The following DLGAP3 variants were observed in gnomAD, a reference collection of about 807,000 sequenced individuals.
DLGAP3 encodes DLG associated protein 3.
DLGAP3 carries 17 observed loss-of-function variants against 81.2 expected under a neutral mutation model. The observed-to-expected ratio is 0.21, with a 90% CI of 0.14 to 0.31. The LOEUF (loss-of-function observed/expected upper bound fraction) is 0.31, where lower values mean the gene tolerates loss of function less well. Ranked by LOEUF, DLGAP3 falls within the 10% of genes least tolerant of loss-of-function variation. DLGAP3 has a pLI of 1.00. For synonymous variants in DLGAP3, 577 were observed against 587.4 expected (o/e 0.98, Z 0.26); for missense variants, 1,124 against 1,388.0 (o/e 0.81, Z 3.02).
chr1:34,888,101 GT>G (rs1427653964), intron 5 of DLGAP3, among the ~76,000 whole-genome samples: 1 of 152,170 alleles, frequency 6.6e-6, no homozygotes, highest in Non-Finnish European at 1.5e-5. Context: ...ATAACAGCAA[GT>G]ATCACATGGC....
intron 8 of DLGAP3, among the ~76,000 whole-genome samples, chr1:34,875,174 T>C (rs1298005364): frequency 6.6e-6 from 1 of 152,202 alleles, no homozygotes; most frequent in African/African-American, 2.4e-5. Flanking sequence ...GGAAGCTTCT[T>C]TCCCAGGCCT....
rs1309821409 is a variant in DLGAP3, at chr1:34,865,960, G to A, written c.*123C>T. On this transcript the variant is annotated 3_prime_UTR_variant, in exon 12 of 12. Coordinates refer to ENST00000373347, the MANE Select transcript of DLGAP3 (RefSeq NM_001080418.3). ...CGAGAGTGTGACGGGCCCGGGGGCC[G>A]GGGCGTCCGGTGCCGGTGGGGCGGG... 4 of 854,480 alleles carry A rather than the reference G, an allele frequency of 4.7e-6. No homozygotes were observed. The highest frequency in any genetic ancestry group is 4.9e-5 in the Admixed American group (2 of 41,008). The allele number at this position is 854,480 out of a possible 1,614,324, so 52.9% of individuals were successfully genotyped here. A position where few individuals can be genotyped will look rare whatever the true frequency, so the allele number is the denominator to read the frequency against.
In DLGAP3 at chr1:34,905,144, G is replaced by A. The variant is rs188615692; in HGVS notation, c.240C>T (p.Ala80=). The part of the protein sequence containing the change: ...SVGPEGGPAG[A]GVGGGSSTFP... Reference sequence around the variant, plus strand: ...AGGTGCTGCTACCCCCCCCAACCCCGGCCCCCGCTGGCCCTCCCTCAGGGC... The same window carrying A: ...AGGTGCTGCTACCCCCCCCAACCCCAGCCCCCGCTGGCCCTCCCTCAGGGC... Residue 80 remains alanine, a synonymous_variant, in exon 3 of 12, where the codon GCC becomes GCT. Transcript: ENST00000373347. 48 of 1,566,986 alleles carry A rather than the reference G, an allele frequency of 3.1e-5. No individual in the cohort carries two copies. The African/African-American group carries it at 4.9e-4, about 16-fold the overall frequency.
chr1:34,882,485 A>C (rs997060539), intron 8 of DLGAP3, among the ~76,000 whole-genome samples: 4 of 152,224 alleles, frequency 2.6e-5, no homozygotes, highest in Admixed American at 2.6e-4. Context: ...TCTCAAAAAA[A>C]ATAAAATTAA....
At chr1:34,901,743 G>A (rs1460649506) in intron 3 of DLGAP3, among the ~76,000 whole-genome samples, 1 of 152,236 alleles carries the variant, frequency 6.6e-6, no homozygotes, top group Non-Finnish European at 1.5e-5. Context: ...AGGGAGTTTG[G>A]AAATCAGACC....
chr1:34,867,487 C>G lies in DLGAP3; in HGVS notation c.2577+49G>C. The G allele has an allele frequency of 6.6e-7, 1 of 1,510,986 alleles. No homozygotes were observed. The highest frequency in any genetic ancestry group is 9.2e-7 in the Non-Finnish European group (1 of 1,085,726). The allele number at this position is 1,510,986 out of a possible 1,614,324, so 93.6% of individuals were successfully genotyped here. ...GCCTGTCTCACCTCCAGCACACACACACTCTGGGTCACATGTATCTGGTAG... is the reference window on the plus strand; with the variant it reads ...GCCTGTCTCACCTCCAGCACACACAGACTCTGGGTCACATGTATCTGGTAG... On this transcript the variant is annotated intron_variant, in intron 10 of 11. Coordinates refer to ENST00000373347, the MANE Select transcript of DLGAP3 (RefSeq NM_001080418.3). The surrounding 1 kb of genome is among the most constrained non-coding windows in gnomAD (Gnocchi z 4.3).
At chr1:34,891,280 G>A (rs1020907791) in intron 5 of DLGAP3, among the ~76,000 whole-genome samples, 3 of 152,154 alleles carry the variant, frequency 2.0e-5, no homozygotes, top group Admixed American at 6.5e-5. Flanking sequence ...ACGTGGTGCC[G>A]CCTGTGAAAA....
In DLGAP3 at chr1:34,865,776, G is replaced by T. The variant is rs1638864138; in HGVS notation, c.*307C>A. ...GGGACCCGGCCCGGCCTGGCCCGTG[G>T]GGGAAAGAATGGCAGAGATGGTGCC... is the stretch of plus-strand genomic sequence containing the variant. On this transcript the variant is annotated 3_prime_UTR_variant, in exon 12 of 12. Transcript: ENST00000373347. The T allele has an allele frequency of 2.2e-6, 1 of 449,460 alleles. No homozygotes were observed. The highest frequency in any genetic ancestry group is 4.9e-5 in the East Asian group (1 of 20,356). The allele number at this position is 449,460 out of a possible 1,614,324, so 27.8% of individuals were successfully genotyped here. A position where few individuals can be genotyped will look rare whatever the true frequency, so the allele number is the denominator to read the frequency against.
intron 1 of DLGAP3, among the ~76,000 whole-genome samples, chr1:34,922,969 A>T (rs535125463): frequency 2.2e-4 from 33 of 151,684 alleles, no homozygotes; most frequent in African/African-American, 4.6e-4. Flanking sequence ...TTTTTTTTTT[A>T]AAAGGGCCCT....
At chr1:34,881,715 G>T (rs991513607) in intron 8 of DLGAP3, among the ~76,000 whole-genome samples, 19 of 151,998 alleles carry the variant, frequency 1.3e-4, no homozygotes, top group African/African-American at 4.6e-4. Flanking sequence ...TTTATCCCAG[G>T]AATGAAAGAA....
intron 11 of DLGAP3, 151 bp from the exon 12 acceptor site, chr1:34,866,452 G>C (rs1638880177): frequency 3.0e-6 from 2 of 676,222 alleles, no homozygotes; most frequent in Non-Finnish European, 4.9e-6. Context: ...GTGACCTGAA[G>C]CCCCAGGTGC....
At chr1:34,866,362 G>C (rs1208340285) in intron 11 of DLGAP3, 61 bp from the exon 12 acceptor site, 27 of 1,352,980 alleles carry the variant, frequency 2.0e-5, no homozygotes, top group Non-Finnish European at 2.3e-5. Context: ...CCAGGTGTCC[G>C]CCCCCGCACC....
At position 34,904,872 on chromosome 1, in the gene DLGAP3, C is replaced by T. The variant is rs1639518776; in HGVS notation, c.512G>A (p.Arg171Gln). ...CTTCTGCACAGAATGAACCAGGTGC[C>T]GGATGCGGCTAGGGCTCTCACTGCG... ...EPRSESPSRI[R>Q]HLVHSVQKLF... The change falls in exon 3 of 12, where the codon CGG (arginine) becomes CAG (glutamine). Residue 171 changes from arginine to glutamine, a missense_variant. Physicochemically the swap from Arg to Gln is conservative, Grantham distance 43 (BLOSUM62 1). Around this residue, in one of 9 missense-constraint regions of DLGAP3, gnomAD observed 65 missense variants for 78.2 expected, o/e 0.83. Transcript: ENST00000373347. The surrounding 1 kb of genome is among the most constrained non-coding windows in gnomAD (Gnocchi z 8.1). 3.1e-6 allele frequency: 5 copies of T among 1,610,314 alleles called. No homozygotes were observed. Among genetic ancestry groups the T allele is most frequent in the South Asian group, 1.1e-5 (1 of 91,090 alleles).
In DLGAP3 at chr1:34,895,933, C is replaced by CACAT. The variant is rs1044216454; in HGVS notation, c.1386+3735_1386+3736insATGT. 1.1e-4 allele frequency among the ~76,000 whole-genome samples: 17 copies of CACAT among 150,736 alleles called. No homozygotes were observed. The highest frequency in any genetic ancestry group is 5.9e-5 in the Non-Finnish European group (4 of 67,586). ...AATCACACATACACACACACACACACACACACACACACACACACACACTAC... is the reference window on the plus strand; with the variant it reads ...AATCACACATACACACACACACACACACATACACACACACACACACACACACTAC... On this transcript the variant is annotated intron_variant, in intron 5 of 11. Coordinates refer to ENST00000373347, the MANE Select transcript of DLGAP3 (RefSeq NM_001080418.3). The surrounding 1 kb of genome is among the most constrained non-coding windows in gnomAD (Gnocchi z 4.5).
At chr1:34,912,460 G>C (rs1388933135) in intron 1 of DLGAP3, among the ~76,000 whole-genome samples, 2 of 152,168 alleles carry the variant, frequency 1.3e-5, no homozygotes. Flanking sequence ...TCCTTCCCCA[G>C]GAAGTTGTCT....
intron 5 of DLGAP3, among the ~76,000 whole-genome samples, chr1:34,890,689 C>A (rs1486537703): frequency 6.6e-6 from 1 of 152,148 alleles, no homozygotes; most frequent in Non-Finnish European, 1.5e-5. Context: ...CTGCCAACAG[C>A]CATGTGAGTG....
At chr1:34,869,250 A>T (rs934973615) in intron 8 of DLGAP3, among the ~76,000 whole-genome samples, 161 bp from the exon 9 acceptor site, 1 of 152,216 alleles carries the variant, frequency 6.6e-6, no homozygotes, top group East Asian at 1.9e-4. Context: ...ACAGCTACGT[A>T]CATAATATAC....
At chr1:34,925,921 C>A (rs568904633) in intron 1 of DLGAP3, among the ~76,000 whole-genome samples, 1 of 152,316 alleles carries the variant, frequency 6.6e-6, no homozygotes, top group South Asian at 2.1e-4. Context: ...CCTGGACACC[C>A]CCACAAACCC....
At chr1:34,884,725 CT>C (rs1446819125) in intron 8 of DLGAP3, among the ~76,000 whole-genome samples, 1 of 152,228 alleles carries the variant, frequency 6.6e-6, no homozygotes, top group South Asian at 2.1e-4. Flanking sequence ...TTCCCTGCAA[CT>C]GCTGTGTATC....
Sources: allele counts gnomAD v4.1 joint callset (sites outside exome capture counted in the v4.1 genomes callset), GRCh38; gene constraint gnomAD v4.1.1; regional missense constraint gnomAD v4.1.1; non-coding constraint Gnocchi (gnomAD v3.1); transcripts MANE v1.5; gene names NCBI Gene and HGNC (gene_info 2026-07-23, HGNC 2026-07-21).